Variants in MPDZ observed in about 807,000 individuals in gnomAD.
MPDZ encodes multiple PDZ domain protein.
A neutral mutation model predicts 239.1 loss-of-function variants in MPDZ; 234 were observed. That is an observed-to-expected ratio of 0.98 (90% CI 0.88 to 1.09). The LOEUF (loss-of-function observed/expected upper bound fraction) is 1.09, where lower values mean the gene tolerates loss of function less well. Among genes scored for constraint, MPDZ ranks in the 50% least tolerant of loss-of-function variants. MPDZ has a pLI of 0.00. For missense variants in MPDZ, 3,175 were observed against 2,510.0 expected, an observed-to-expected ratio of 1.26 and a Z score of -5.66; for synonymous variants, 1,048 against 881.3, an observed-to-expected ratio of 1.19 and a Z score of -3.35.
chr9:13,173,106 G>C (rs1254699069), intron 21 of MPDZ, among the ~76,000 whole-genome samples: 1 of 152,170 alleles, frequency 6.6e-6, no homozygotes, highest in Non-Finnish European at 1.5e-5. Flanking sequence ...AGTTGACAGG[G>C]GACTGGTAGA....
At chr9:13,118,003 C>T (rs574959691) in intron 39 of MPDZ, among the ~76,000 whole-genome samples, 1 of 152,128 alleles carries the variant, frequency 6.6e-6, no homozygotes, top group African/African-American at 2.4e-5. Flanking sequence ...CGCTACCACA[C>T]CTGGCTAATT....
intron 1 of MPDZ, among the ~76,000 whole-genome samples, chr9:13,269,851 A>C (rs1972569499): frequency 6.6e-6 from 1 of 152,214 alleles, no homozygotes; most frequent in Non-Finnish European, 1.5e-5. Flanking sequence ...GGTAGTTCAG[A>C]TAAGGGAAAA....
intron 22 of MPDZ, among the ~76,000 whole-genome samples, chr9:13,163,570 G>A (rs1421735373): frequency 6.6e-6 from 1 of 152,138 alleles, no homozygotes; most frequent in Non-Finnish European, 1.5e-5. Context: ...CTGTCCTGCT[G>A]TCCTGCTTCT....
rs112682984 is a variant in MPDZ at position 13,176,814 on chromosome 9, C to T, written c.2650-397G>A. ...TTGTTTCCCATCAGTCTGAAGTTCCCATTTATTATGAGCTCAAGGACATAA... is the reference window on the plus strand; with the variant it reads ...TTGTTTCCCATCAGTCTGAAGTTCCTATTTATTATGAGCTCAAGGACATAA... On this transcript the variant is annotated intron_variant, in intron 19 of 46. Coordinates refer to ENST00000319217, the MANE Select transcript of MPDZ (RefSeq NM_001378778.1). Among the ~76,000 whole-genome samples, 1,113 of 152,122 alleles carry T rather than the reference C, an allele frequency of 7.3e-3. 13 individuals are homozygous for T. Among genetic ancestry groups the T allele is most frequent in the African/African-American group, 0.026 (1,069 of 41,516 alleles).
In MPDZ at chr9:13,123,139, TG is replaced by T. The variant is rs773650230; in HGVS notation, c.4953+13del. On this transcript the variant is annotated intron_variant, in intron 36 of 46. Transcript: ENST00000319217. ...AGGACGGCCTGTACAGAAGCACCTC[TG>T]GGTGGTGCTCACCAGCAGCGTGTCT... 6.2e-7 allele frequency: 1 copy of T among 1,608,738 alleles called. No homozygotes were observed.
intron 41 of MPDZ, 31 bp from the exon 42 acceptor site, chr9:13,113,085 A>G: frequency 6.6e-7 from 1 of 1,521,266 alleles, no homozygotes; most frequent in African/African-American, 1.4e-5. Context: ...AAATAGGGTT[A>G]TTTTATGTTC....
intron 18 of MPDZ, among the ~76,000 whole-genome samples, chr9:13,184,352 T>C (rs1335122886): frequency 2.0e-5 from 3 of 151,988 alleles, no homozygotes; most frequent in Non-Finnish European, 2.9e-5. Context: ...CTGACATATA[T>C]ACTACCTTTC....
chr9:13,200,814 T>G, intron 12 of MPDZ, among the ~76,000 whole-genome samples: 1 of 152,098 alleles, frequency 6.6e-6, no homozygotes, highest in East Asian at 1.9e-4. Flanking sequence ...TTATAAAGAC[T>G]TGTTTTGTGA....
At chr9:13,182,267 G>C (rs1953444522) in intron 19 of MPDZ, among the ~76,000 whole-genome samples, 1 of 151,638 alleles carries the variant, frequency 6.6e-6, no homozygotes, top group Non-Finnish European at 1.5e-5. Context: ...TATGTTTATG[G>C]TATATTTCCA....
chr9:13,220,343 A>T (rs937073008), intron 7 of MPDZ, among the ~76,000 whole-genome samples: 1 of 152,004 alleles, frequency 6.6e-6, no homozygotes, highest in African/African-American at 2.4e-5. Flanking sequence ...ACTTTCTGCA[A>T]TGATGGAACT....
At chr9:13,175,949 C>T (rs906263194) in intron 20 of MPDZ, 74 bp from the exon 21 acceptor site, 6 of 1,498,650 alleles carry the variant, frequency 4.0e-6, no homozygotes, top group East Asian at 2.4e-5. Context: ...TTCAACATCA[C>T]GCATGTTCTC....
At chr9:13,240,881 A>C (rs1313627689) in intron 3 of MPDZ, among the ~76,000 whole-genome samples, 1 of 152,136 alleles carries the variant, frequency 6.6e-6, no homozygotes, top group Non-Finnish European at 1.5e-5. Flanking sequence ...TTAGGTTATA[A>C]CCAGTAAATT....
intron 12 of MPDZ, 92 bp from the exon 13 acceptor site, chr9:13,196,322 C>G: frequency 8.7e-6 from 7 of 807,812 alleles, no homozygotes; most frequent in Non-Finnish European, 1.4e-5. Context: ...TCAGAACCCG[C>G]TGTATCACGT....
chr9:13,158,646 C>T (rs1168072872), intron 23 of MPDZ, among the ~76,000 whole-genome samples: 1 of 152,122 alleles, frequency 6.6e-6, no homozygotes, highest in East Asian at 1.9e-4. Context: ...TCCAGCTTCA[C>T]CCCATCCAGA....
intron 12 of MPDZ, among the ~76,000 whole-genome samples, chr9:13,197,159 C>A (rs1220977917): frequency 6.7e-6 from 1 of 148,248 alleles, no homozygotes; most frequent in Non-Finnish European, 1.5e-5. Context: ...AAACAATAAA[C>A]TATATATATA....
At chr9:13,254,812 G>C (rs910919267) in intron 1 of MPDZ, among the ~76,000 whole-genome samples, 31 of 152,310 alleles carry the variant, frequency 2.0e-4, no homozygotes, top group African/African-American at 7.5e-4. Flanking sequence ...GTGATCATCT[G>C]AGCCTTTGGT....
Position 13,115,348 on chromosome 9 carries a change from T to C in MPDZ, c.5380-14A>G, listed in dbSNP as rs1943231016. 6 of 1,595,734 alleles carry C rather than the reference T, an allele frequency of 3.8e-6. No homozygotes were observed. Among genetic ancestry groups the C allele is most frequent in the African/African-American group, 1.3e-5 (1 of 74,566 alleles). On this transcript the variant is annotated splice_polypyrimidine_tract_variant and intron_variant, in intron 39 of 46. Coordinates refer to ENST00000319217, the MANE Select transcript of MPDZ (RefSeq NM_001378778.1). ...GCCTAGGGAACACTGGGGGTGGGCA[T>C]GGGGGGTGTTTTATGGAAATGTTTA...
chr9:13,217,376 C>A (rs368370957), intron 8 of MPDZ, 82 bp from the exon 9 acceptor site: 39 of 918,752 alleles, frequency 4.2e-5, no homozygotes, highest in African/African-American at 1.7e-5. Flanking sequence ...AACAAAAAAA[C>A]CATGATAAAA....
At chr9:13,210,303 GT>G (rs1957469286) in intron 10 of MPDZ, among the ~76,000 whole-genome samples, 1 of 152,002 alleles carries the variant, frequency 6.6e-6, no homozygotes, top group Non-Finnish European at 1.5e-5. Flanking sequence ...ATCAAAGCAA[GT>G]TGTAAAAAGG....
Sources: allele counts gnomAD v4.1 joint callset (sites outside exome capture counted in the v4.1 genomes callset), GRCh38; gene constraint gnomAD v4.1.1; transcripts MANE v1.5; gene names NCBI Gene and HGNC (gene_info 2026-07-23, HGNC 2026-07-21).